The following ZNF90 variants were observed in gnomAD, a reference collection of about 807,000 sequenced individuals.
ZNF90 encodes zinc finger protein HTF9.
ZNF90 carries 11 observed loss-of-function variants against 12.0 expected under a neutral mutation model. That is an observed-to-expected ratio of 0.92 (90% CI 0.58 to 1.52). The LOEUF is 1.52. Ranked by LOEUF, ZNF90 falls within the 40% of genes most tolerant of loss-of-function variation. ZNF90 has a pLI of 0.00. For synonymous variants in ZNF90, 232 were observed against 240.1 expected (o/e 0.97, Z 0.31); for missense variants, 765 against 711.5 (o/e 1.08, Z -0.86).
At chr19:20,101,070 A>G (rs2088986054) in intron 1 of ZNF90, among the ~76,000 whole-genome samples, 1 of 151,818 alleles carries the variant, frequency 6.6e-6, no homozygotes, top group Admixed American at 6.6e-5. Flanking sequence ...CTGAGCTTTC[A>G]CTTGCCGTCG....
chr19:20,102,321 A>G (rs74965116), intron 1 of ZNF90, among the ~76,000 whole-genome samples: 5,403 of 152,054 alleles, frequency 0.036, 287 homozygotes, highest in East Asian at 0.24. Flanking sequence ...AGTCACTCCT[A>G]CTCACCTGAC....
At chr19:20,108,154 A>G (rs2089055703) in intron 3 of ZNF90, among the ~76,000 whole-genome samples, 1 of 152,126 alleles carries the variant, frequency 6.6e-6, no homozygotes, top group Non-Finnish European at 1.5e-5. Flanking sequence ...TTTAAATGCT[A>G]ATTTATTAAA....
intron 2 of ZNF90, among the ~76,000 whole-genome samples, chr19:20,104,753 G>C (rs1386298940): frequency 3.3e-5 from 5 of 152,178 alleles, no homozygotes; most frequent in African/African-American, 1.2e-4. Context: ...CCAGCACTTT[G>C]GGAGGCTGAG....
At chr19:20,097,337 A>T (rs1212974699) in intron 1 of ZNF90, among the ~76,000 whole-genome samples, 1 of 152,194 alleles carries the variant, frequency 6.6e-6, no homozygotes, top group African/African-American at 2.4e-5. Context: ...GTTGACTGAC[A>T]CTTGTGCAGC....
At chr19:20,103,617 G>A (rs1184701949) in intron 1 of ZNF90, among the ~76,000 whole-genome samples, 1 of 152,152 alleles carries the variant, frequency 6.6e-6, no homozygotes, top group Non-Finnish European at 1.5e-5. Flanking sequence ...TAATCTGGCA[G>A]CTGTCCTTTT....
At chr19:20,091,667 G>T (rs886843501) in intron 1 of ZNF90, among the ~76,000 whole-genome samples, 2 of 152,174 alleles carry the variant, frequency 1.3e-5, no homozygotes, top group African/African-American at 4.8e-5. Context: ...AATGACCCCA[G>T]CTTCTTTTGG....
intron 3 of ZNF90, among the ~76,000 whole-genome samples, chr19:20,114,378 C>G (rs1555705448): frequency 6.6e-6 from 1 of 152,158 alleles, no homozygotes; most frequent in East Asian, 1.9e-4. Flanking sequence ...AAAGCTAAAT[C>G]TCTATACACA....
chr19:20,105,516 A>T (rs968124899), intron 3 of ZNF90, among the ~76,000 whole-genome samples, 200 bp downstream of exon 3: 2 of 152,124 alleles, frequency 1.3e-5, no homozygotes, highest in Non-Finnish European at 2.9e-5. Context: ...TTTTCTAAGG[A>T]TTCTACTTTT....
intron 1 of ZNF90, among the ~76,000 whole-genome samples, chr19:20,095,188 A>G (rs1210747943): frequency 6.6e-6 from 1 of 152,074 alleles, no homozygotes; most frequent in Non-Finnish European, 1.5e-5. Context: ...CGCATTGGGA[A>G]CAGAGGCTAG....
intron 1 of ZNF90, among the ~76,000 whole-genome samples, chr19:20,089,741 T>G: frequency 6.6e-6 from 1 of 151,786 alleles, no homozygotes; most frequent in Non-Finnish European, 1.5e-5. Context: ...TTCAGGAGGG[T>G]AAAGTTGAGG....
At chr19:20,110,925 T>G (rs782106205) in intron 3 of ZNF90, among the ~76,000 whole-genome samples, 1 of 152,224 alleles carries the variant, frequency 6.6e-6, no homozygotes, top group Non-Finnish European at 1.5e-5. Context: ...AATATTAACT[T>G]CTTTCACATG....
intron 3 of ZNF90, among the ~76,000 whole-genome samples, chr19:20,112,918 A>G (rs1555705287): frequency 6.6e-6 from 1 of 151,914 alleles, no homozygotes; most frequent in Non-Finnish European, 1.5e-5. Context: ...TTTTTTTGCA[A>G]TTTAATATTT....
At chr19:20,088,412 A>G (rs552458425) in intron 1 of ZNF90, among the ~76,000 whole-genome samples, 2 of 152,302 alleles carry the variant, frequency 1.3e-5, no homozygotes, top group South Asian at 2.1e-4. Flanking sequence ...CAATTGAGAA[A>G]CTAAACAGAA....
rs1263616281 is a variant in ZNF90 at position 20,119,076 on chromosome 19, C to A, written c.1522C>A (p.Pro508Thr). The change falls in exon 4 of 4, where the codon CCC (proline) becomes ACC (threonine). Residue 508 changes from proline to threonine, a missense_variant. Transcript: ENST00000418063. ...TAAGATAATTCACAGTGGAGAGAATCCCTACAAATGTGAAGAATGTGGCAA... is the reference window on the plus strand; with the variant it reads ...TAAGATAATTCACAGTGGAGAGAATACCTACAAATGTGAAGAATGTGGCAA... ...THKIIHSGENPYKCEECGKAF... is the reference protein window; with the variant it reads ...THKIIHSGENTYKCEECGKAF... The A allele has an allele frequency of 1.2e-6, 2 of 1,612,256 alleles. No individual in the cohort carries two copies. The highest frequency in any genetic ancestry group is 1.7e-6 in the Non-Finnish European group (2 of 1,179,168).
chr19:20,110,323 G>T (rs558467837), intron 3 of ZNF90, among the ~76,000 whole-genome samples: 1 of 152,064 alleles, frequency 6.6e-6, no homozygotes, highest in African/African-American at 2.4e-5. Context: ...CTGTTGCCCA[G>T]GCTGGAGTGC....
chr19:20,101,079 C>A (rs182546210), intron 1 of ZNF90, among the ~76,000 whole-genome samples: 3 of 152,066 alleles, frequency 2.0e-5, no homozygotes, highest in Non-Finnish European at 2.9e-5. Flanking sequence ...CACTTGCCGT[C>A]GACCACTGCT....
chr19:20,117,892 TA>T lies in ZNF90; in HGVS notation c.345del (p.Gly116ValfsTer22), dbSNP rs781940988. On this transcript the variant is annotated frameshift_variant, in exon 4 of 4. Transcript: ENST00000418063. LOFTEE classifies it low-confidence loss of function (END_TRUNC). The stretch of plus-strand genomic sequence containing the variant: ...AAACGTGAATATGGCAATTTAGAGT[TA>T]AAAAAAGGTTGTGAAAGTGTGGATG... The part of the protein sequence containing the change: ...YEKREYGNLE[L>X]KKGCESVDEG... 2 of 1,611,490 alleles carry T rather than the reference TA, an allele frequency of 1.2e-6. No individual in the cohort carries two copies. The highest frequency in any genetic ancestry group is 1.7e-6 in the Non-Finnish European group (2 of 1,179,074).
intron 3 of ZNF90, among the ~76,000 whole-genome samples, chr19:20,106,699 C>T (rs573827621): frequency 3.9e-5 from 6 of 152,316 alleles, no homozygotes; most frequent in South Asian, 4.1e-4. Flanking sequence ...GTGATCCACC[C>T]GCCTTGGCCT....
At chr19:20,117,080 T>A (rs1193500014) in intron 3 of ZNF90, among the ~76,000 whole-genome samples, 1 of 150,506 alleles carries the variant, frequency 6.6e-6, no homozygotes, top group African/African-American at 2.5e-5. Flanking sequence ...TGTCATTCTG[T>A]TCCCTATGCT....
Sources: allele counts gnomAD v4.1 joint callset (sites outside exome capture counted in the v4.1 genomes callset), GRCh38; gene constraint gnomAD v4.1.1; transcripts MANE v1.5; gene names NCBI Gene and HGNC (gene_info 2026-07-23, HGNC 2026-07-21).